PIK3R5: variants seen among roughly 807,000 people sequenced by gnomAD.
The protein encoded by PIK3R5 is phosphoinositide 3-kinase regulatory subunit 5.
A neutral mutation model predicts 94.9 loss-of-function variants in PIK3R5; 32 were observed. The observed-to-expected ratio is 0.34, with a 90% CI of 0.25 to 0.45. The LOEUF (loss-of-function observed/expected upper bound fraction) is 0.45, where lower values mean the gene tolerates loss of function less well. Among genes scored for constraint, PIK3R5 ranks in the 20% least tolerant of loss-of-function variants. PIK3R5 has a pLI of 1.00. For synonymous variants in PIK3R5, 443 were observed against 479.4 expected, an observed-to-expected ratio of 0.92 and a Z score of 0.99; for missense variants, 853 against 1,144.6, an observed-to-expected ratio of 0.75 and a Z score of 3.68.
chr17:8,880,875 G>T, intron 18 of PIK3R5, 30 bp downstream of exon 18: 1 of 1,612,452 alleles, frequency 6.2e-7, no homozygotes. Flanking sequence ...AGCAGAAACT[G>T]CTCCCCTCCC....
In PIK3R5 at chr17:8,893,913, G is replaced by A. The variant is rs2090086972; in HGVS notation, c.413-258C>T. ...TCGGTCCTGGGCCTCGCTGTCCTCTGGATTCCCGTGGCCTCTCTGACTGCC... is the reference window on the plus strand; with the variant it reads ...TCGGTCCTGGGCCTCGCTGTCCTCTAGATTCCCGTGGCCTCTCTGACTGCC... On this transcript the variant is annotated intron_variant, in intron 5 of 18. Transcript: ENST00000447110. The surrounding 1 kb of genome is among the most constrained non-coding windows in gnomAD (Gnocchi z 5.1). 1 of 341,984 alleles carries A rather than the reference G, an allele frequency of 2.9e-6. No homozygotes were observed. Among genetic ancestry groups the A allele is most frequent in the African/African-American group, 2.1e-5 (1 of 47,062 alleles). The allele number at this position is 341,984 out of a possible 1,614,324, so 21.2% of individuals were successfully genotyped here.
intron 1 of PIK3R5, among the ~76,000 whole-genome samples, chr17:8,919,842 TTCTC>T (rs1555550086): frequency 6.6e-6 from 1 of 150,522 alleles, no homozygotes; most frequent in Non-Finnish European, 1.5e-5. Flanking sequence ...TCTCCTCTCC[TTCTC>T]TCTCTCTCTC....
chr17:8,902,905 T>C (rs1294187455), intron 5 of PIK3R5, among the ~76,000 whole-genome samples: 1 of 151,102 alleles, frequency 6.6e-6, no homozygotes, highest in Admixed American at 6.6e-5. Context: ...AGTGCAATGG[T>C]GTGATCTCGG....
chr17:8,951,815 G>A (rs899340813), intron 1 of PIK3R5, among the ~76,000 whole-genome samples: 1 of 152,176 alleles, frequency 6.6e-6, no homozygotes, highest in Admixed American at 6.5e-5. Flanking sequence ...ACTCAAAATT[G>A]TTCTTCCATA....
chr17:8,905,474 G>A (rs373275718), intron 4 of PIK3R5, among the ~76,000 whole-genome samples, 195 bp downstream of exon 4: 23 of 152,188 alleles, frequency 1.5e-4, no homozygotes, highest in East Asian at 5.8e-4. Flanking sequence ...GCACCATGGC[G>A]GCCACATGGA....
chr17:8,930,185 T>C (rs188311346), intron 1 of PIK3R5, among the ~76,000 whole-genome samples: 14 of 152,322 alleles, frequency 9.2e-5, no homozygotes, highest in African/African-American at 3.4e-4. Flanking sequence ...GATCATATCT[T>C]GGGCCTTAAA....
intron 13 of PIK3R5, 53 bp downstream of exon 13, chr17:8,886,424 C>T: frequency 2.5e-6 from 4 of 1,599,116 alleles, no homozygotes; most frequent in Non-Finnish European, 3.4e-6. Context: ...AGGGGTGGGG[C>T]CTTGCAGGCC....
intron 1 of PIK3R5, among the ~76,000 whole-genome samples, chr17:8,950,101 A>T (rs576325266): frequency 6.6e-6 from 1 of 152,322 alleles, no homozygotes; most frequent in South Asian, 2.1e-4. Flanking sequence ...CCACAATAGC[A>T]GCATATCTGA....
In PIK3R5 at chr17:8,886,605, G is replaced by A; in HGVS notation, c.1906C>T (p.Gln636Ter). 6.3e-7 allele frequency: 1 copy of A among 1,583,524 alleles called. No individual in the cohort carries two copies. The highest frequency in any genetic ancestry group is 8.6e-7 in the Non-Finnish European group (1 of 1,167,926). Residue 636 changes from glutamine to a stop codon, truncating the protein, a stop_gained and splice_region_variant, in exon 13 of 19, where the codon CAG becomes TAG. Transcript: ENST00000447110. LOFTEE classifies it high-confidence loss of function. The stretch of plus-strand genomic sequence containing the variant: ...GCCTGGGCTTCAGCCTTCAGGGACT[G>A]CTGTGGCCAGAGGGAAGGGGCAGCC... ...MHLPPEVLCQ[Q>*]SLKAEAQALE...
intron 1 of PIK3R5, among the ~76,000 whole-genome samples, chr17:8,920,574 G>A (rs2151427808): frequency 6.6e-6 from 1 of 152,276 alleles, no homozygotes; most frequent in South Asian, 2.1e-4. Context: ...CTCTCCTCAA[G>A]GCTATTTTTG....
chr17:8,883,389 C>T lies in PIK3R5; in HGVS notation c.2205+1318G>A, dbSNP rs144317258. On this transcript the variant is annotated intron_variant, in intron 15 of 18. Transcript: ENST00000447110. Reference sequence around the variant, plus strand: ...TCTCAAAAAAACAAACAAAAAACCACAAAACTCCTTTCATTGCAATTAAGG... The same window carrying T: ...TCTCAAAAAAACAAACAAAAAACCATAAAACTCCTTTCATTGCAATTAAGG... Among the ~76,000 whole-genome samples, 10 of 152,310 alleles carry T rather than the reference C, an allele frequency of 6.6e-5. No individual in the cohort carries two copies. In the East Asian group the frequency reaches 1.9e-3, roughly 29 times the overall value.
At position 8,909,898 on chromosome 17, in the gene PIK3R5, C is replaced by G. The variant is rs927362762; in HGVS notation, c.104-724G>C. ...GCTGGAAGAATACAGAGAGGAGCCA[C>G]GGTGAGTTCCATCCCAAGACGCAAG... is the stretch of plus-strand genomic sequence containing the variant. On this transcript the variant is annotated intron_variant, in intron 2 of 18. Transcript: ENST00000447110. The surrounding 1 kb of genome is among the most constrained non-coding windows in gnomAD (Gnocchi z 4.3). 1.3e-5 allele frequency among the ~76,000 whole-genome samples: 2 copies of G among 152,290 alleles called. No individual in the cohort carries two copies. The highest frequency in any genetic ancestry group is 1.9e-4 in the East Asian group (1 of 5,180).
intron 1 of PIK3R5, among the ~76,000 whole-genome samples, chr17:8,934,851 T>G (rs1424867716): frequency 6.6e-6 from 1 of 152,218 alleles, no homozygotes; most frequent in Non-Finnish European, 1.5e-5. Context: ...AACCTTTCCT[T>G]TGGGTTTTCA....
intron 1 of PIK3R5, among the ~76,000 whole-genome samples, chr17:8,928,099 G>T (rs1000590940): frequency 7.2e-5 from 11 of 152,040 alleles, no homozygotes; most frequent in African/African-American, 2.7e-4. Context: ...CTTTATAGCA[G>T]CACAAACAAA....
At chr17:8,958,272 G>C (rs1443212141) in intron 1 of PIK3R5, among the ~76,000 whole-genome samples, 1 of 121,468 alleles carries the variant, frequency 8.2e-6, no homozygotes, top group Non-Finnish European at 1.8e-5. Flanking sequence ...TCCAGAGTGA[G>C]ACTGTCTCAA....
chr17:8,905,028 G>T, intron 4 of PIK3R5, 113 bp from the exon 5 acceptor site: 1 of 1,167,564 alleles, frequency 8.6e-7, no homozygotes, highest in Non-Finnish European at 1.2e-6. Context: ...CACATTTCCT[G>T]GCCGCAGCGT....
At chr17:8,938,794 A>G (rs1240886564) in intron 1 of PIK3R5, among the ~76,000 whole-genome samples, 6 of 152,246 alleles carry the variant, frequency 3.9e-5, no homozygotes, top group Admixed American at 2.0e-4. Context: ...TTTCAAGTAT[A>G]TATTTGTAAT....
Position 8,880,701 on chromosome 17 carries a change from C to G in PIK3R5, c.2581G>C (p.Ala861Pro). The change falls in exon 19 of 19, where the codon GCA becomes CCA. Residue 861 changes from alanine (A) to proline (P), a missense_variant. By Grantham distance (27) the Ala-to-Pro change is conservative. This residue lies in a region of PIK3R5 where 91 missense variants were observed against 90.5 expected (regional missense o/e 1.01). Coordinates refer to ENST00000447110, the MANE Select transcript of PIK3R5 (RefSeq NM_001142633.3). ...CAGAGAAGGGAGCAGAGATCAGGTGCGGCCTGGGCCGGCAGGTCAGGAGGC... is the reference window on the plus strand; with the variant it reads ...CAGAGAAGGGAGCAGAGATCAGGTGGGGCCTGGGCCGGCAGGTCAGGAGGC... ...QTPPDLPAQA[A>P]PDLCSLLCLP... is the part of the protein sequence containing the mutation. The G allele has an allele frequency of 2.5e-6, 4 of 1,613,802 alleles. No individual in the cohort carries two copies. The highest frequency in any genetic ancestry group is 2.5e-6 in the Non-Finnish European group (3 of 1,179,894).
At chr17:8,923,112 G>C (rs565973053) in intron 1 of PIK3R5, among the ~76,000 whole-genome samples, 36 of 152,254 alleles carry the variant, frequency 2.4e-4, no homozygotes, top group African/African-American at 8.4e-4. Flanking sequence ...CATGCTTAGG[G>C]CTTGAAGCAC....
Sources: gnomAD v4.1 joint callset for allele counts (sites outside exome capture counted in the v4.1 genomes callset) on GRCh38, gnomAD v4.1.1 for gene constraint, gnomAD v4.1.1 regional missense constraint, Gnocchi (gnomAD v3.1) non-coding constraint, MANE v1.5 for transcripts, NCBI Gene and HGNC (gene_info 2026-07-23, HGNC 2026-07-21) for gene names.